Variants in CACNG5 observed in about 807,000 individuals in gnomAD.
CACNG5 encodes the protein calcium voltage-gated channel auxiliary subunit gamma 5.
In CACNG5, 18 loss-of-function variants were observed where a neutral mutation model predicts 24.8. That is an observed-to-expected ratio of 0.73 (90% confidence interval 0.50 to 1.08). The LOEUF is 1.08. CACNG5 is among the 50% of genes least tolerant of loss of function. The pLI, the probability that CACNG5 is intolerant of heterozygous loss-of-function variation, is 0.00. For synonymous variants in CACNG5, 157 were observed against 149.1 expected, an observed-to-expected ratio of 1.05 and a Z score of -0.39; for missense variants, 349 against 367.9, an observed-to-expected ratio of 0.95 and a Z score of 0.42.
At chr17:66,879,779 G>A (rs1421696192) in intron 3 of CACNG5, among the ~76,000 whole-genome samples, 1 of 152,136 alleles carries the variant, frequency 6.6e-6, no homozygotes, top group Non-Finnish European at 1.5e-5. Context: ...CTGAGCTTTG[G>A]TGTCCAGAGT....
chr17:66,861,257 G>C (rs936481983), intron 1 of CACNG5, among the ~76,000 whole-genome samples: 1 of 152,186 alleles, frequency 6.6e-6, no homozygotes, highest in Admixed American at 6.5e-5. Context: ...AAGAAATGGA[G>C]AGAACCAGAA....
At chr17:66,857,244 CT>C (rs1976793961) in intron 1 of CACNG5, among the ~76,000 whole-genome samples, 1 of 151,804 alleles carries the variant, frequency 6.6e-6, no homozygotes, top group Non-Finnish European at 1.5e-5. Context: ...CAAGGTTTCA[CT>C]ATATTACCCA....
intron 1 of CACNG5, among the ~76,000 whole-genome samples, chr17:66,874,256 A>G (rs1003255345): frequency 1.3e-5 from 2 of 152,176 alleles, no homozygotes; most frequent in Non-Finnish European, 2.9e-5. Context: ...ATAAACGTTC[A>G]ATGTACTTTG....
intron 1 of CACNG5, among the ~76,000 whole-genome samples, chr17:66,847,391 T>C (rs1047651966): frequency 2.6e-5 from 4 of 152,158 alleles, no homozygotes; most frequent in African/African-American, 9.7e-5. Context: ...TCCACATAGC[T>C]GGGGAGCCCT....
Position 66,846,542 on chromosome 17 carries a change from C to G in CACNG5, c.-104+11292C>G, listed in dbSNP as rs560782382. On this transcript the variant is annotated intron_variant, in intron 1 of 5. Coordinates refer to ENST00000533854, the MANE Select transcript of CACNG5 (RefSeq NM_145811.3). ...TCACATAATGTTTTCAAGGTTCATT[C>G]ATGTTGCAGCATGCGTCCGTGCTTC... 3.3e-5 allele frequency among the ~76,000 whole-genome samples: 5 copies of G among 152,316 alleles called. No individual in the cohort carries two copies. The South Asian group carries it at 1.0e-3, about 32-fold the overall frequency.
intron 1 of CACNG5, among the ~76,000 whole-genome samples, chr17:66,838,960 C>CTTTTTT (rs71160595): frequency 0.011 from 1,000 of 88,050 alleles, 112 homozygotes; most frequent in African/African-American, 0.045. Flanking sequence ...CTCACCCATT[C>CTTTTTT]TTTTTTTTTT....
chr17:66,876,720 A>G (rs1418015860), intron 1 of CACNG5, among the ~76,000 whole-genome samples: 1 of 152,056 alleles, frequency 6.6e-6, no homozygotes, highest in East Asian at 1.9e-4. Context: ...GGCTGCTGCC[A>G]TTTTCCTGTC....
intron 1 of CACNG5, among the ~76,000 whole-genome samples, chr17:66,843,165 A>G (rs1568061464): frequency 6.6e-6 from 1 of 152,190 alleles, no homozygotes; most frequent in African/African-American, 2.4e-5. Context: ...GAGGAAACTG[A>G]GGTTCAGTAG....
Position 66,885,343 on chromosome 17 carries a change from C to T in CACNG5, c.*103C>T, listed in dbSNP as rs1977243105. On this transcript the variant is annotated 3_prime_UTR_variant, in exon 6 of 6. Transcript: ENST00000533854. ...AGGCCTGTGGTTGACAGGCCCAGGC[C>T]ACCCATGCTTAGCTGTTGTCACTTG... 5 of 1,392,096 alleles carry T rather than the reference C, an allele frequency of 3.6e-6. No homozygotes were observed. In the East Asian group the frequency reaches 1.2e-4, roughly 32 times the overall value. The allele number at this position is 1,392,096 out of a possible 1,614,324, so 86.2% of individuals were successfully genotyped here.
At chr17:66,879,164 G>A (rs1418073463) in intron 3 of CACNG5, 106 bp downstream of exon 3, 10 of 775,318 alleles carry the variant, frequency 1.3e-5, no homozygotes, top group Non-Finnish European at 2.0e-5. Context: ...AATGCCCTTA[G>A]ACTCAGCTGG....
chr17:66,845,472 A>C (rs1976626243), intron 1 of CACNG5, among the ~76,000 whole-genome samples: 1 of 151,148 alleles, frequency 6.6e-6, no homozygotes, highest in Non-Finnish European at 1.5e-5. Flanking sequence ...AAAAAAAAAA[A>C]ACAAAAAACT....
chr17:66,850,791 AT>A (rs1976702784), intron 1 of CACNG5, among the ~76,000 whole-genome samples: 1 of 152,168 alleles, frequency 6.6e-6, no homozygotes, highest in South Asian at 2.1e-4. Context: ...TATGTACTGA[AT>A]TTGAGAGTTC....
At chr17:66,865,775 G>T (rs7502738) in intron 1 of CACNG5, among the ~76,000 whole-genome samples, 1 of 149,540 alleles carries the variant, frequency 6.7e-6, no homozygotes, top group Non-Finnish European at 1.5e-5. Context: ...GACTACAGGC[G>T]CCCACCACCA....
At chr17:66,850,089 C>T (rs1976693882) in intron 1 of CACNG5, among the ~76,000 whole-genome samples, 1 of 150,846 alleles carries the variant, frequency 6.6e-6, no homozygotes, top group East Asian at 1.9e-4. Flanking sequence ...AAAGCCCCTG[C>T]AGCCAGGCTG....
In CACNG5 at chr17:66,889,467, C is replaced by A. The variant is rs945163335; in HGVS notation, c.*4227C>A. On this transcript the variant is annotated 3_prime_UTR_variant, in exon 6 of 6. Transcript: ENST00000533854. ...CCCTCCTTAATGTTTGAGTAACTCT[C>A]CCTTCTCCCTAGATACAGGTGGTCT... 6.6e-6 allele frequency among the ~76,000 whole-genome samples: 1 copy of A among 152,174 alleles called. No homozygotes were observed. Among genetic ancestry groups the A allele is most frequent in the Non-Finnish European group, 1.5e-5 (1 of 68,034 alleles).
chr17:66,861,373 A>G (rs962058431), intron 1 of CACNG5, among the ~76,000 whole-genome samples: 12 of 152,220 alleles, frequency 7.9e-5, no homozygotes, highest in African/African-American at 2.7e-4. Flanking sequence ...TACATGTGTT[A>G]CCTCGTAACC....
Position 66,886,349 on chromosome 17 carries a change from A to G in CACNG5, c.*1109A>G, listed in dbSNP as rs904375428. Among the ~76,000 whole-genome samples the G allele has an allele frequency of 2.6e-5, 4 of 152,140 alleles. No individual in the cohort carries two copies. Among genetic ancestry groups the G allele is most frequent in the Non-Finnish European group, 5.9e-5 (4 of 68,026 alleles). On this transcript the variant is annotated 3_prime_UTR_variant, in exon 6 of 6. Transcript: ENST00000533854. ...GGGGGGTTGCCAATTTAATCCTAATATAGAGGAGTGTCTGCTTCCTGGGTG... is the reference window on the plus strand; with the variant it reads ...GGGGGGTTGCCAATTTAATCCTAATGTAGAGGAGTGTCTGCTTCCTGGGTG...
chr17:66,856,689 A>G (rs546344386), intron 1 of CACNG5, among the ~76,000 whole-genome samples: 1 of 151,872 alleles, frequency 6.6e-6, no homozygotes, highest in Non-Finnish European at 1.5e-5. Flanking sequence ...TTACAGGTAC[A>G]TGCCACCATG....
chr17:66,878,014 G>A (rs546834676), intron 2 of CACNG5, among the ~76,000 whole-genome samples: 5 of 152,254 alleles, frequency 3.3e-5, no homozygotes, highest in African/African-American at 7.2e-5. Flanking sequence ...GAAAATACTT[G>A]GCAGTTTCTC....
Sources: gnomAD v4.1 joint callset for allele counts (sites outside exome capture counted in the v4.1 genomes callset) on GRCh38, gnomAD v4.1.1 for gene constraint, MANE v1.5 for transcripts, NCBI Gene and HGNC (gene_info 2026-07-23, HGNC 2026-07-21) for gene names.